ARB2A: variants seen among roughly 807,000 people sequenced by gnomAD.
ARB2A encodes the protein cotranscriptional regulator ARB2A.
the ARB2A span, among the ~76,000 whole-genome samples, chr5:93,696,241 T>C: frequency 2.6e-5 from 4 of 152,218 alleles, no homozygotes; most frequent in East Asian, 1.9e-4. Flanking sequence ...TTCACACTTA[T>C]AACTTTTATT....
the ARB2A span, among the ~76,000 whole-genome samples, chr5:94,010,437 C>G: frequency 1.3e-5 from 2 of 151,936 alleles, no homozygotes; most frequent in African/African-American, 4.8e-5. Context: ...CCTTTTGGGG[C>G]TTGTATTACG....
At chr5:93,926,453 A>T in the ARB2A span, among the ~76,000 whole-genome samples, 1 of 152,004 alleles carries the variant, frequency 6.6e-6, no homozygotes, top group African/African-American at 2.4e-5. Context: ...ATTCTTAAGT[A>T]TAATTTTAAT....
At chr5:94,014,283 C>T in the ARB2A span, among the ~76,000 whole-genome samples, 5 of 152,164 alleles carry the variant, frequency 3.3e-5, no homozygotes, top group Non-Finnish European at 5.9e-5. Flanking sequence ...TTTGAGGCCT[C>T]CCCCATTTGG....
At chr5:93,790,361 G>C in the ARB2A span, among the ~76,000 whole-genome samples, 1 of 152,202 alleles carries the variant, frequency 6.6e-6, no homozygotes, top group Non-Finnish European at 1.5e-5. Flanking sequence ...GAAGCTAATA[G>C]AAGTTTAGTT....
chr5:93,705,165 T>C, the ARB2A span, among the ~76,000 whole-genome samples: 1 of 152,220 alleles, frequency 6.6e-6, no homozygotes, highest in Non-Finnish European at 1.5e-5. Context: ...AGGACTTGGA[T>C]GCATGCAACA....
chr5:93,720,103 T>G, the ARB2A span, among the ~76,000 whole-genome samples: 4 of 152,220 alleles, frequency 2.6e-5, no homozygotes, highest in South Asian at 2.1e-4. Context: ...AGTCAACAGC[T>G]ATCGCTTAAT....
chr5:93,634,327 G>A, the ARB2A span, among the ~76,000 whole-genome samples: 3 of 151,790 alleles, frequency 2.0e-5, no homozygotes, highest in Non-Finnish European at 4.4e-5. Context: ...TGGAACCCAG[G>A]AGGCGGAGGT....
the ARB2A span, among the ~76,000 whole-genome samples, chr5:93,816,817 G>A: frequency 6.6e-6 from 1 of 151,992 alleles, no homozygotes; most frequent in Non-Finnish European, 1.5e-5. Flanking sequence ...TAACCTATCA[G>A]GAATGAAAAC....
chr5:93,796,200 T>C, the ARB2A span, among the ~76,000 whole-genome samples: 1 of 152,208 alleles, frequency 6.6e-6, no homozygotes, highest in Admixed American at 6.5e-5. Context: ...GCGATATAAA[T>C]TTGGGGACTA....
the ARB2A span, among the ~76,000 whole-genome samples, chr5:93,963,871 T>C: frequency 1.3e-5 from 2 of 152,128 alleles, no homozygotes; most frequent in East Asian, 3.9e-4. Flanking sequence ...GTTTTTTGTT[T>C]CGTTTTGTTT....
the ARB2A span, among the ~76,000 whole-genome samples, chr5:93,688,617 C>T: frequency 6.6e-6 from 1 of 152,056 alleles, no homozygotes; most frequent in Non-Finnish European, 1.5e-5. Flanking sequence ...ATCTCTCTCC[C>T]GAGCCTCAGC....
At chr5:93,696,460 G>A in the ARB2A span, among the ~76,000 whole-genome samples, 1 of 152,016 alleles carries the variant, frequency 6.6e-6, no homozygotes, top group African/African-American at 2.4e-5. Context: ...ATCCCTGAAC[G>A]TCTTATTGGA....
the ARB2A span, among the ~76,000 whole-genome samples, chr5:93,785,253 A>C: frequency 8.5e-5 from 13 of 152,196 alleles, no homozygotes; most frequent in Non-Finnish European, 7.4e-5. Flanking sequence ...AAAAGGTTTT[A>C]ATCTACTACA....
chr5:94,093,765 T>C, the ARB2A span, among the ~76,000 whole-genome samples: 32 of 152,274 alleles, frequency 2.1e-4, no homozygotes, highest in East Asian at 6.0e-3. Flanking sequence ...CTAAATATCA[T>C]CTAAATTAGG....
chr5:94,061,994 A>G, the ARB2A span, among the ~76,000 whole-genome samples: 1 of 150,526 alleles, frequency 6.6e-6, no homozygotes, highest in Non-Finnish European at 1.5e-5. Flanking sequence ...TTTCTAAAAG[A>G]ATAAAGGAAA....
the ARB2A span, among the ~76,000 whole-genome samples, chr5:93,774,379 C>G: frequency 1.3e-5 from 2 of 152,120 alleles, no homozygotes; most frequent in African/African-American, 4.8e-5. Flanking sequence ...GTGTCAAAAG[C>G]CAAGATGGGC....
chr5:94,022,801 G>T, the ARB2A span, among the ~76,000 whole-genome samples: 1 of 152,198 alleles, frequency 6.6e-6, no homozygotes, highest in Non-Finnish European at 1.5e-5. Flanking sequence ...GTTATCAAAA[G>T]TAGGAGAAAA....
the ARB2A span, among the ~76,000 whole-genome samples, chr5:93,822,613 T>C: frequency 6.6e-6 from 1 of 152,024 alleles, no homozygotes; most frequent in Admixed American, 6.6e-5. Flanking sequence ...ATATAATCTA[T>C]ATCTATGGAG....
the ARB2A span, among the ~76,000 whole-genome samples, chr5:94,054,410 T>C: frequency 2.3e-3 from 346 of 152,286 alleles, 2 homozygotes; most frequent in Admixed American, 4.8e-3. Context: ...TGTCAGGTAT[T>C]TTATAGAATG....
Sources: gnomAD v4.1 joint callset for allele counts (sites outside exome capture counted in the v4.1 genomes callset) on GRCh38, gnomAD v4.1.1 for gene constraint, MANE v1.5 for transcripts, NCBI Gene and HGNC (gene_info 2026-07-23, HGNC 2026-07-21) for gene names.